LDB2: variants seen among roughly 807,000 people sequenced by gnomAD.
LDB2 encodes LIM domain binding 2, also known as LIM domain-binding protein 2.
LDB2 carries 12 observed loss-of-function variants against 44.3 expected under a neutral mutation model. The observed-to-expected ratio is 0.27, with a 90% confidence interval of 0.17 to 0.44. The LOEUF (loss-of-function observed/expected upper bound fraction) is 0.44. Ranked by LOEUF, LDB2 falls within the 20% of genes least tolerant of loss-of-function variation. The probability of loss-of-function intolerance (pLI) is 1.00; values close to 1 mark genes in which losing one functional copy is unlikely to be tolerated. For missense variants in LDB2, 344 were observed against 473.5 expected, an observed-to-expected ratio of 0.73 and a Z score of 2.54; for synonymous variants, 164 against 174.8, an observed-to-expected ratio of 0.94 and a Z score of 0.49.
At chr4:16,619,627 A>G (rs1462797675) in intron 2 of LDB2, among the ~76,000 whole-genome samples, 1 of 143,564 alleles carries the variant, frequency 7.0e-6, no homozygotes, top group Non-Finnish European at 1.5e-5. Context: ...TCCCAGAGCC[A>G]CCAGGCCATC....
intron 1 of LDB2, among the ~76,000 whole-genome samples, chr4:16,793,737 T>C (rs567491265): frequency 6.6e-6 from 1 of 152,182 alleles, no homozygotes; most frequent in South Asian, 2.1e-4. Flanking sequence ...GTAGGAAATA[T>C]AAAACCCAAA....
chr4:16,782,950 A>C (rs1464557128), intron 1 of LDB2, among the ~76,000 whole-genome samples: 1 of 152,188 alleles, frequency 6.6e-6, no homozygotes, highest in Non-Finnish European at 1.5e-5. Context: ...AAATAGAATA[A>C]TACTTAGAGT....
At chr4:16,691,739 T>C (rs1219399264) in intron 2 of LDB2, among the ~76,000 whole-genome samples, 2 of 152,190 alleles carry the variant, frequency 1.3e-5, no homozygotes, top group African/African-American at 4.8e-5. Context: ...AAATTCTGAT[T>C]CTACCATTTT....
intron 1 of LDB2, among the ~76,000 whole-genome samples, chr4:16,842,745 C>G (rs1199764041): frequency 6.6e-6 from 1 of 152,114 alleles, no homozygotes; most frequent in Admixed American, 6.6e-5. Flanking sequence ...ATTTTTAAAC[C>G]TGGAACAATT....
chr4:16,752,991 A>G (rs1765776800), intron 2 of LDB2, among the ~76,000 whole-genome samples: 2 of 152,340 alleles, frequency 1.3e-5, no homozygotes, highest in African/African-American at 4.8e-5. Flanking sequence ...AAGAGCTTTA[A>G]GCAGTGGCCA....
intron 2 of LDB2, among the ~76,000 whole-genome samples, chr4:16,636,663 C>T (rs542589291): frequency 6.6e-6 from 1 of 152,182 alleles, no homozygotes; most frequent in East Asian, 1.9e-4. Context: ...AATCCTCTTA[C>T]ATTTGGACTA....
At chr4:16,784,676 G>C (rs909892144) in intron 1 of LDB2, among the ~76,000 whole-genome samples, 3 of 152,096 alleles carry the variant, frequency 2.0e-5, no homozygotes, top group African/African-American at 7.2e-5. Context: ...CCTTTATCTG[G>C]AGAAGAAAGT....
intron 1 of LDB2, among the ~76,000 whole-genome samples, chr4:16,855,118 C>T (rs927856022): frequency 3.3e-5 from 5 of 152,044 alleles, no homozygotes; most frequent in African/African-American, 4.8e-5. Context: ...AAGTACTCTC[C>T]GAGATCATTT....
intron 1 of LDB2, among the ~76,000 whole-genome samples, chr4:16,896,100 G>T (rs532216258): frequency 1.3e-5 from 2 of 151,964 alleles, no homozygotes; most frequent in Non-Finnish European, 2.9e-5. Flanking sequence ...AAATGTAAAC[G>T]GTTAGCTCTA....
chr4:16,733,611 G>A (rs1761221839), intron 2 of LDB2, among the ~76,000 whole-genome samples: 1 of 152,192 alleles, frequency 6.6e-6, no homozygotes, highest in Admixed American at 6.5e-5. Context: ...ACAAAATAAA[G>A]AGAAAGCCTT....
chr4:16,818,824 T>C (rs540829014), intron 1 of LDB2, among the ~76,000 whole-genome samples: 1 of 152,306 alleles, frequency 6.6e-6, no homozygotes, highest in African/African-American at 2.4e-5. Context: ...ATAAAGACAG[T>C]ATGTTAACTA....
intron 2 of LDB2, among the ~76,000 whole-genome samples, chr4:16,650,943 C>A (rs1006616914): frequency 6.6e-6 from 1 of 152,220 alleles, no homozygotes; most frequent in Admixed American, 6.5e-5. Context: ...ATTTCTCTAT[C>A]CCTAATATCT....
chr4:16,765,818 T>A (rs1769084210), intron 1 of LDB2, among the ~76,000 whole-genome samples: 1 of 152,228 alleles, frequency 6.6e-6, no homozygotes, highest in Admixed American at 6.5e-5. Context: ...CAGGCATGCA[T>A]GTCAGGAGTT....
chr4:16,759,170 G>A lies in LDB2; in HGVS notation c.223C>T (p.Pro75Ser). 1 of 1,612,306 alleles carries A rather than the reference G, an allele frequency of 6.2e-7. No homozygotes were observed. The highest frequency in any genetic ancestry group is 8.5e-7 in the Non-Finnish European group (1 of 1,178,360). The change falls in exon 2 of 8, where the codon CCA (proline) becomes TCA (serine). Residue 75 changes from proline to serine, a missense_variant. Transcript: ENST00000304523. ...ACTTCTTTCTTACTGTATCGCTTTGGTCCATCTTCCAAACAAAATGAAAGG... is the reference window on the plus strand; with the variant it reads ...ACTTCTTTCTTACTGTATCGCTTTGATCCATCTTCCAAACAAAATGAAAGG... Reference protein sequence around the residue: ...LTLSFCLEDGPKRYTIGRTLI... With the variant: ...LTLSFCLEDGSKRYTIGRTLI...
chr4:16,559,635 C>G (rs1440903969), intron 5 of LDB2, among the ~76,000 whole-genome samples: 2 of 152,168 alleles, frequency 1.3e-5, no homozygotes, highest in African/African-American at 2.4e-5. Context: ...TAACACCCCA[C>G]TGTCAACATT....
chr4:16,611,465 A>G (rs562594384), intron 2 of LDB2, among the ~76,000 whole-genome samples: 1 of 151,978 alleles, frequency 6.6e-6, no homozygotes, highest in African/African-American at 2.4e-5. Context: ...TATTCAGGAG[A>G]CCCATCTTAC....
intron 1 of LDB2, among the ~76,000 whole-genome samples, chr4:16,807,334 A>G (rs1185246568): frequency 6.6e-6 from 1 of 152,242 alleles, no homozygotes; most frequent in Non-Finnish European, 1.5e-5. Context: ...ATTATGGATA[A>G]TAACCAAAGT....
At chr4:16,568,522 T>C (rs1334103829) in intron 5 of LDB2, among the ~76,000 whole-genome samples, 1 of 152,196 alleles carries the variant, frequency 6.6e-6, no homozygotes, top group East Asian at 1.9e-4. Context: ...ATTAGCCCAC[T>C]AACCCATCCC....
chr4:16,586,004 GCC>G lies in LDB2; in HGVS notation c.532-1_532del. On this transcript the variant is annotated splice_acceptor_variant and coding_sequence_variant, in exon 5 of 8. Coordinates refer to ENST00000304523, the MANE Select transcript of LDB2 (RefSeq NM_001290.5). LOFTEE classifies it high-confidence loss of function. ...CTGATCCAGGACCTGAGGATCTTGTGCCTAAATGGAAAAAAAACCCCACATGT... is the reference window on the plus strand; with the variant it reads ...CTGATCCAGGACCTGAGGATCTTGTGTAAATGGAAAAAAAACCCCACATGT... 6.2e-7 allele frequency: 1 copy of G among 1,613,146 alleles called. No homozygotes were observed.
Sources: allele counts gnomAD v4.1 joint callset (sites outside exome capture counted in the v4.1 genomes callset), GRCh38; gene constraint gnomAD v4.1.1; transcripts MANE v1.5; gene names NCBI Gene and HGNC (gene_info 2026-07-23, HGNC 2026-07-21).